Variants in NKAIN2 observed in about 807,000 individuals in gnomAD.
The protein encoded by NKAIN2 is sodium/potassium-transporting ATPase subunit beta-1-interacting protein 2.
Under a neutral mutation model 32.6 loss-of-function variants are expected in NKAIN2, and 14 were observed. The observed-to-expected ratio is 0.43, with a 90% CI of 0.28 to 0.67. The LOEUF (loss-of-function observed/expected upper bound fraction) is 0.67, where lower values mean the gene tolerates loss of function less well. Ranked by LOEUF, NKAIN2 falls within the 30% of genes least tolerant of loss-of-function variation. The probability of loss-of-function intolerance (pLI) is 0.17; values close to 1 mark genes in which losing one functional copy is unlikely to be tolerated. For missense variants in NKAIN2, 198 were observed against 258.3 expected, an observed-to-expected ratio of 0.77 and a Z score of 1.60; for synonymous variants, 80 against 87.2, an observed-to-expected ratio of 0.92 and a Z score of 0.46.
rs184778994 is a variant in NKAIN2, at chr6:124,547,889, C to A, written c.274-110297C>A. ...AATTGCTTCTTATTCCTCTTCCCCC[C>A]ACCACCCTACACACACGTCAATACA... On this transcript the variant is annotated intron_variant, in intron 3 of 6. Coordinates refer to ENST00000368417, the MANE Select transcript of NKAIN2 (RefSeq NM_001040214.3). Among the ~76,000 whole-genome samples, 15 of 152,248 alleles carry A rather than the reference C, an allele frequency of 9.9e-5. No individual in the cohort carries two copies. In the East Asian group the frequency reaches 1.4e-3, roughly 14 times the overall value.
chr6:124,273,911 G>T (rs1794914151), intron 1 of NKAIN2, among the ~76,000 whole-genome samples: 1 of 152,138 alleles, frequency 6.6e-6, no homozygotes, highest in African/African-American at 2.4e-5. Flanking sequence ...AAACTACCTA[G>T]AACAGCTGTC....
At chr6:124,093,471 A>G (rs1338879419) in intron 1 of NKAIN2, among the ~76,000 whole-genome samples, 1 of 152,160 alleles carries the variant, frequency 6.6e-6, no homozygotes, top group African/African-American at 2.4e-5. Flanking sequence ...TGAAAAGCAA[A>G]TGAAACAGCA....
intron 4 of NKAIN2, among the ~76,000 whole-genome samples, chr6:124,741,674 G>A (rs1198155047): frequency 6.6e-6 from 1 of 151,834 alleles, no homozygotes; most frequent in African/African-American, 2.4e-5. Context: ...TTATTGTGAT[G>A]GTGGTTCTGT....
chr6:124,553,343 T>C (rs947543070), intron 3 of NKAIN2, among the ~76,000 whole-genome samples: 1 of 152,220 alleles, frequency 6.6e-6, no homozygotes, highest in Non-Finnish European at 1.5e-5. Context: ...GTTTCGCTCT[T>C]GTTGCTCAGG....
intron 3 of NKAIN2, among the ~76,000 whole-genome samples, chr6:124,577,441 G>A (rs1469954662): frequency 2.6e-5 from 4 of 151,986 alleles, no homozygotes; most frequent in Non-Finnish European, 4.4e-5. Context: ...TTAGAACTTG[G>A]TGCTGCCCTG....
intron 3 of NKAIN2, among the ~76,000 whole-genome samples, chr6:124,494,416 A>G (rs1342582505): frequency 1.3e-5 from 2 of 152,120 alleles, no homozygotes; most frequent in Non-Finnish European, 2.9e-5. Context: ...ATATAAGGAG[A>G]TTCTAGTTTT....
At chr6:123,932,110 A>T (rs1449759522) in intron 1 of NKAIN2, among the ~76,000 whole-genome samples, 1 of 152,176 alleles carries the variant, frequency 6.6e-6, no homozygotes, top group African/African-American at 2.4e-5. Flanking sequence ...AGCTCTCTGC[A>T]TAAGTTTGGC....
intron 3 of NKAIN2, among the ~76,000 whole-genome samples, chr6:124,373,035 G>A (rs1799833849): frequency 6.6e-6 from 1 of 152,142 alleles, no homozygotes; most frequent in Non-Finnish European, 1.5e-5. Context: ...ACTCTGGCAG[G>A]AGCAAGAGTT....
At chr6:124,262,005 T>A (rs1794276848) in intron 1 of NKAIN2, among the ~76,000 whole-genome samples, 1 of 152,070 alleles carries the variant, frequency 6.6e-6, no homozygotes, top group Admixed American at 6.6e-5. Context: ...TGTATCAAAA[T>A]TAACTGAAAA....
chr6:124,695,172 A>G (rs988555201), intron 4 of NKAIN2, among the ~76,000 whole-genome samples: 3 of 96,866 alleles, frequency 3.1e-5, no homozygotes, highest in African/African-American at 1.1e-4. Context: ...GCCTACCCAG[A>G]AAAAAAAAAA....
chr6:124,256,789 G>T (rs1292398071), intron 1 of NKAIN2, among the ~76,000 whole-genome samples: 1 of 151,388 alleles, frequency 6.6e-6, no homozygotes, highest in African/African-American at 2.4e-5. Flanking sequence ...CAAATAGAAT[G>T]TGTGTGTGTC....
At chr6:124,575,453 C>T (rs180713923) in intron 3 of NKAIN2, among the ~76,000 whole-genome samples, 127 of 152,356 alleles carry the variant, frequency 8.3e-4, no homozygotes, top group Non-Finnish European at 1.3e-3. Flanking sequence ...TCAAGTCACT[C>T]CAAAGGTGTT....
chr6:124,265,258 T>C (rs189497623), intron 1 of NKAIN2, among the ~76,000 whole-genome samples: 225 of 152,274 alleles, frequency 1.5e-3, no homozygotes, highest in African/African-American at 5.2e-3. Context: ...GGTTCATGTT[T>C]GCTATCCATG....
At chr6:124,227,644 A>G (rs555728648) in intron 1 of NKAIN2, among the ~76,000 whole-genome samples, 7 of 152,268 alleles carry the variant, frequency 4.6e-5, no homozygotes, top group Middle Eastern at 3.4e-3. Flanking sequence ...TTTCATTAAT[A>G]GCTGCTTTTC....
chr6:124,231,677 T>G (rs1292070013), intron 1 of NKAIN2, among the ~76,000 whole-genome samples: 1 of 152,094 alleles, frequency 6.6e-6, no homozygotes, highest in Non-Finnish European at 1.5e-5. Flanking sequence ...CTTTCCACCA[T>G]AAGACTTGAC....
At chr6:123,912,829 A>T (rs866191469) in intron 1 of NKAIN2, among the ~76,000 whole-genome samples, 16 of 152,202 alleles carry the variant, frequency 1.1e-4, no homozygotes, top group African/African-American at 3.6e-4. Context: ...CTTTATAGCA[A>T]TATAACTGAT....
At position 123,804,004 on chromosome 6, in the gene NKAIN2, AGCTGCC is replaced by A; in HGVS notation, c.-194_-189del. 1 of 596,700 alleles carries A rather than the reference AGCTGCC, an allele frequency of 1.7e-6. No homozygotes were observed. The highest frequency in any genetic ancestry group is 3.0e-6 in the Non-Finnish European group (1 of 334,758). The allele number at this position is 596,700 out of a possible 1,614,324, so 37.0% of individuals were successfully genotyped here. The stretch of plus-strand genomic sequence containing the variant: ...AGGTATGTGTGGCGGGCGCGGCTGG[AGCTGCC>A]GCCGCCGCCGCCGCCGCGCCAGCAG... On this transcript the variant is annotated 5_prime_UTR_variant, in exon 1 of 7. Coordinates refer to ENST00000368417, the MANE Select transcript of NKAIN2 (RefSeq NM_001040214.3).
At chr6:124,721,825 C>T (rs1396800465) in intron 4 of NKAIN2, among the ~76,000 whole-genome samples, 5 of 152,150 alleles carry the variant, frequency 3.3e-5, no homozygotes. Flanking sequence ...GTAAAATATA[C>T]ATAGCATAAA....
At chr6:124,533,560 T>C (rs1779608905) in intron 3 of NKAIN2, among the ~76,000 whole-genome samples, 1 of 150,918 alleles carries the variant, frequency 6.6e-6, no homozygotes, top group South Asian at 2.1e-4. Context: ...CTCTTCCACC[T>C]CTCTGTCTAT....
Sources: allele counts gnomAD v4.1 joint callset (sites outside exome capture counted in the v4.1 genomes callset), GRCh38; gene constraint gnomAD v4.1.1; transcripts MANE v1.5; gene names NCBI Gene and HGNC (gene_info 2026-07-23, HGNC 2026-07-21).